The following PTAR1 variants were observed in gnomAD, a reference collection of about 807,000 sequenced individuals.
PTAR1 encodes protein prenyltransferase alpha subunit repeat containing 1.
A neutral mutation model predicts 45.5 loss-of-function variants in PTAR1; 17 were observed. The ratio of observed to expected loss-of-function variants is 0.37; its 90% CI spans 0.26 to 0.56. PTAR1 has a LOEUF of 0.56. Ranked by LOEUF, PTAR1 falls within the 20% of genes least tolerant of loss-of-function variation. PTAR1 has a pLI of 0.77. For synonymous variants in PTAR1, 169 were observed against 171.3 expected, an observed-to-expected ratio of 0.99 and a Z score of 0.11; for missense variants, 391 against 476.3, an observed-to-expected ratio of 0.82 and a Z score of 1.67.
At chr9:69,741,322 C>A (rs529659070) in intron 3 of PTAR1, among the ~76,000 whole-genome samples, 34 of 152,262 alleles carry the variant, frequency 2.2e-4, no homozygotes, top group Admixed American at 1.8e-3. Context: ...AAATCTGTTT[C>A]TCTTCCAGAC....
At chr9:69,744,991 C>T (rs1458705150) in intron 2 of PTAR1, among the ~76,000 whole-genome samples, 1 of 152,152 alleles carries the variant, frequency 6.6e-6, no homozygotes, top group African/African-American at 2.4e-5. Context: ...ACCTACATAA[C>T]CTAACCTCTT....
Position 69,741,797 on chromosome 9 carries a change from G to A in PTAR1, c.318C>T (p.Asn106=), listed in dbSNP as rs369148251. ...LLNPDFTTAW[N]VRKELILSGT... ...CACTAATGAAAATGACATACCTCAC[G>A]TTCCATGCAGTGGTAAAGTCTGGGT... The change falls in exon 3 of 8, where the codon AAC becomes AAT. Residue 106 remains asparagine (N), a synonymous_variant. Transcript: ENST00000340434. The A allele has an allele frequency of 1.5e-5, 24 of 1,590,490 alleles. No individual in the cohort carries two copies. The highest frequency in any genetic ancestry group is 1.7e-4 in the Middle Eastern group (1 of 6,044).
In PTAR1 at chr9:69,711,576, T is replaced by TA. The variant is rs1238366214; in HGVS notation, c.*6765dup. The TA allele has an allele frequency of 6.6e-6, 1 of 152,020 alleles. No homozygotes were observed. The highest frequency in any genetic ancestry group is 2.4e-5 in the African/African-American group (1 of 41,374). 9.4% of individuals were successfully genotyped at this position (152,020 alleles called of 1,614,324 possible). On this transcript the variant is annotated 3_prime_UTR_variant, in exon 8 of 8. Transcript: ENST00000340434. Reference sequence around the variant, plus strand: ...GAAACAAGTAAGATTTAAGGAAAAATAAAAAGAACCTAAACCCGATAGTAC... The same window carrying TA: ...GAAACAAGTAAGATTTAAGGAAAAATAAAAAAGAACCTAAACCCGATAGTAC...
rs2134065244 is a variant in PTAR1, at chr9:69,715,978, A to G, written c.*2364T>C. Reference sequence around the variant, plus strand: ...GAAAAGAGTGGGTTAAGAGCCTTAGAAGATATGAAAATAGTTTACACACCA... The same window carrying G: ...GAAAAGAGTGGGTTAAGAGCCTTAGGAGATATGAAAATAGTTTACACACCA... On this transcript the variant is annotated 3_prime_UTR_variant, in exon 8 of 8. Coordinates refer to ENST00000340434, the MANE Select transcript of PTAR1 (RefSeq NM_001099666.2). 6.6e-6 allele frequency: 1 copy of G among 152,220 alleles called. No homozygotes were observed. The highest frequency in any genetic ancestry group is 2.4e-5 in the African/African-American group (1 of 41,556). 9.4% of individuals were successfully genotyped at this position (152,220 alleles called of 1,614,324 possible).
Position 69,741,817 on chromosome 9 carries a change from C to A in PTAR1, c.298G>T (p.Asp100Tyr). ...CTCACGTTCCATGCAGTGGTAAAGT[C>A]TGGGTTTAGAAGCAGCAGGGTACAT... ...VTCTLLLLNP[D>Y]FTTAWNVRKE... Residue 100 changes from aspartate to tyrosine, a missense_variant, in exon 3 of 8, where the codon GAC becomes TAC. By Grantham distance (160) the Asp-to-Tyr change is radical. This residue lies in a region of PTAR1 where 152 missense variants were observed against 160.0 expected (regional missense o/e 0.95). Coordinates refer to ENST00000340434, the MANE Select transcript of PTAR1 (RefSeq NM_001099666.2). 6.2e-7 allele frequency: 1 copy of A among 1,601,712 alleles called. No individual in the cohort carries two copies. The highest frequency in any genetic ancestry group is 8.5e-7 in the Non-Finnish European group (1 of 1,172,876).
Position 69,734,374 on chromosome 9 carries a change from C to A in PTAR1, c.324-120G>T, listed in dbSNP as rs986388064. On this transcript the variant is annotated intron_variant, in intron 3 of 7. Transcript: ENST00000340434. ...AAGCGAATGTCTAAGAATTTTAAAA[C>A]AAAAAAAGAAAGAAAAAAAGCCCAA... 53 of 418,934 alleles carry A rather than the reference C, an allele frequency of 1.3e-4. No homozygotes were observed. Among genetic ancestry groups the A allele is most frequent in the Middle Eastern group, 6.8e-4 (1 of 1,460 alleles). 26.0% of individuals were successfully genotyped at this position (418,934 alleles called of 1,614,324 possible). A position where few individuals can be genotyped will look rare whatever the true frequency, so the allele number is the denominator to read the frequency against.
intron 3 of PTAR1, among the ~76,000 whole-genome samples, chr9:69,739,362 C>T (rs1825935167): frequency 6.6e-6 from 1 of 151,312 alleles, no homozygotes; most frequent in Non-Finnish European, 1.5e-5. Flanking sequence ...CTAAGTCAAC[C>T]TCTTTCATCA....
In PTAR1 at chr9:69,721,815, A is replaced by AT. The variant is rs796241337; in HGVS notation, c.947+1510dup. Among the ~76,000 whole-genome samples, 387 of 149,514 alleles carry AT rather than the reference A, an allele frequency of 2.6e-3. 2 individuals are homozygous for AT. Among genetic ancestry groups the AT allele is most frequent in the Non-Finnish European group, 3.9e-3 (263 of 67,174 alleles). On this transcript the variant is annotated intron_variant, in intron 6 of 7. Transcript: ENST00000340434. ...CTAGTATTTTAATTAAGATATGCAC[A>AT]TTTTTTTTTTAGACATAATGCTGTT...
chr9:69,721,815 A>T (rs943264846), intron 6 of PTAR1, among the ~76,000 whole-genome samples: 2 of 149,444 alleles, frequency 1.3e-5, no homozygotes, highest in Admixed American at 6.7e-5. Context: ...AGATATGCAC[A>T]TTTTTTTTTT....
At chr9:69,744,229 G>A (rs913287213) in intron 2 of PTAR1, among the ~76,000 whole-genome samples, 1 of 151,722 alleles carries the variant, frequency 6.6e-6, no homozygotes, top group South Asian at 2.1e-4. Context: ...ATGAACACAC[G>A]TCCTACCCGC....
chr9:69,715,960 G>A lies in PTAR1; in HGVS notation c.*2382C>T, dbSNP rs1365407053. 2.0e-5 allele frequency: 3 copies of A among 152,142 alleles called. No individual in the cohort carries two copies. Among genetic ancestry groups the A allele is most frequent in the Non-Finnish European group, 4.4e-5 (3 of 68,006 alleles). The allele number at this position is 152,142 out of a possible 1,614,324, so 9.4% of individuals were successfully genotyped here. ...AAGGACTGTGCGGCTTCAGAAAAGAGTGGGTTAAGAGCCTTAGAAGATATG... is the reference window on the plus strand; with the variant it reads ...AAGGACTGTGCGGCTTCAGAAAAGAATGGGTTAAGAGCCTTAGAAGATATG... On this transcript the variant is annotated 3_prime_UTR_variant, in exon 8 of 8. Transcript: ENST00000340434.
Position 69,718,511 on chromosome 9 carries a change from T to C in PTAR1, c.1040A>G (p.Gln347Arg). ...GCGTTTGGTTTCCTGGGAATAGCCT[T>C]GCTTGCTAGAGTCATTCAGTCCATC... ...EVDGLNDSSK[Q>R]GYSQETKRLK... Residue 347 changes from glutamine to arginine, a missense_variant, in exon 8 of 8, where the codon CAA becomes CGA. Physicochemically the swap from Gln to Arg is conservative, Grantham distance 43. Around this residue, in one of 5 missense-constraint regions of PTAR1, gnomAD observed 181 missense variants for 227.7 expected, o/e 0.80. Transcript: ENST00000340434. 6.2e-7 allele frequency: 1 copy of C among 1,613,770 alleles called. No homozygotes were observed. The highest frequency in any genetic ancestry group is 2.2e-5 in the East Asian group (1 of 44,870).
intron 6 of PTAR1, among the ~76,000 whole-genome samples, chr9:69,721,664 C>T (rs1260239101): frequency 6.6e-6 from 1 of 152,122 alleles, no homozygotes; most frequent in Non-Finnish European, 1.5e-5. Flanking sequence ...TTGCCACAGC[C>T]ACCCCAACCT....
At chr9:69,737,687 T>C (rs2026795) in intron 3 of PTAR1, among the ~76,000 whole-genome samples, 46,292 of 152,108 alleles carry the variant, frequency 0.3, 7,986 homozygotes, top group Admixed American at 0.4. Context: ...AAAACTACCA[T>C]GTATTGAACA....
At chr9:69,726,825 G>T (rs1825304084) in intron 5 of PTAR1, among the ~76,000 whole-genome samples, 1 of 151,346 alleles carries the variant, frequency 6.6e-6, no homozygotes, top group South Asian at 2.1e-4. Flanking sequence ...TTACGAGTTT[G>T]TAAGAGGTCT....
chr9:69,732,356 T>A lies in PTAR1; in HGVS notation c.429-4A>T, dbSNP rs1475972367. On this transcript the variant is annotated splice_polypyrimidine_tract_variant and splice_region_variant and intron_variant, in intron 4 of 7. Coordinates refer to ENST00000340434, the MANE Select transcript of PTAR1 (RefSeq NM_001099666.2). ...TAGCTGTTGTAGCACCCATCGCCTG[T>A]TAAGGCAGCATGTGGGAAAGAGAAC... is the stretch of plus-strand genomic sequence containing the variant. 1.2e-6 allele frequency: 2 copies of A among 1,601,550 alleles called. No individual in the cohort carries two copies. The highest frequency in any genetic ancestry group is 1.7e-6 in the Non-Finnish European group (2 of 1,168,712).
chr9:69,740,347 T>A (rs75719517), intron 3 of PTAR1, among the ~76,000 whole-genome samples: 1 of 152,072 alleles, frequency 6.6e-6, no homozygotes, highest in Non-Finnish European at 1.5e-5. Flanking sequence ...TTTTTTCTCC[T>A]ATGCTCAACG....
At chr9:69,740,166 A>G (rs1381007561) in intron 3 of PTAR1, among the ~76,000 whole-genome samples, 2 of 152,144 alleles carry the variant, frequency 1.3e-5, no homozygotes, top group African/African-American at 4.8e-5. Context: ...AGGATATACA[A>G]TGAATAACAT....
chr9:69,724,651 C>T (rs1366734102), intron 5 of PTAR1, among the ~76,000 whole-genome samples: 1 of 151,514 alleles, frequency 6.6e-6, no homozygotes, highest in African/African-American at 2.4e-5. Flanking sequence ...TTTTGCTGAA[C>T]CCCCATAGTA....
Sources: gnomAD v4.1 joint callset for allele counts (sites outside exome capture counted in the v4.1 genomes callset) on GRCh38, gnomAD v4.1.1 for gene constraint, gnomAD v4.1.1 regional missense constraint, MANE v1.5 for transcripts, NCBI Gene and HGNC (gene_info 2026-07-23, HGNC 2026-07-21) for gene names.